Variants in JAZF1 observed in about 807,000 individuals in gnomAD.
JAZF1 encodes the protein JAZF zinc finger 1.
A neutral mutation model predicts 26.4 loss-of-function variants in JAZF1; 8 were observed. That is an observed-to-expected ratio of 0.30 (90% CI 0.18 to 0.55). The LOEUF (loss-of-function observed/expected upper bound fraction) is 0.55. JAZF1 is among the 20% of genes least tolerant of loss of function. The probability of loss-of-function intolerance (pLI) is 0.94; values close to 1 mark genes in which losing one functional copy is unlikely to be tolerated. For synonymous variants in JAZF1, 126 were observed against 122.3 expected (o/e 1.03, Z -0.20); for missense variants, 199 against 322.0 (o/e 0.62, Z 2.92).
chr7:27,842,173 C>T (rs1359415918), intron 3 of JAZF1: 1 of 152,082 alleles, frequency 6.6e-6, no homozygotes, highest in African/African-American at 2.4e-5. Flanking sequence ...AAGGAAGGGA[C>T]CTGAAGTTTA....
intron 1 of JAZF1, among the ~76,000 whole-genome samples, chr7:28,017,726 A>T (rs957361175): frequency 3.9e-5 from 6 of 152,170 alleles, no homozygotes; most frequent in African/African-American, 1.2e-4. Flanking sequence ...CATTTTGGTG[A>T]AAAAGACCAG....
chr7:27,892,774 C>CA (rs1358478333), intron 3 of JAZF1, among the ~76,000 whole-genome samples: 1 of 152,126 alleles, frequency 6.6e-6, no homozygotes, highest in African/African-American at 2.4e-5. Context: ...ATGCCTAACA[C>CA]AAATGAACTG....
intron 2 of JAZF1, among the ~76,000 whole-genome samples, chr7:27,896,153 A>G (rs1257949777): frequency 6.6e-6 from 1 of 152,216 alleles, no homozygotes; most frequent in Non-Finnish European, 1.5e-5. Flanking sequence ...ATTACTCATA[A>G]AGAGAAAGGT....
intron 1 of JAZF1, among the ~76,000 whole-genome samples, chr7:28,110,264 A>G (rs1457309148): frequency 6.6e-6 from 1 of 151,900 alleles, no homozygotes; most frequent in African/African-American, 2.4e-5. Context: ...CATTTCTGAT[A>G]AAAATACAAA....
At chr7:28,026,798 G>C (rs1000430550) in intron 1 of JAZF1, among the ~76,000 whole-genome samples, 2 of 152,206 alleles carry the variant, frequency 1.3e-5, no homozygotes, top group Non-Finnish European at 2.9e-5. Flanking sequence ...ACCGGCACTG[G>C]AGAAGGGAGC....
intron 3 of JAZF1, among the ~76,000 whole-genome samples, chr7:27,894,669 T>C (rs1046484634): frequency 6.6e-6 from 1 of 152,110 alleles, no homozygotes; most frequent in Non-Finnish European, 1.5e-5. Flanking sequence ...TAGGTGGGTA[T>C]AAAGAAGCAA....
At chr7:27,841,660 G>C (rs773635008) in intron 3 of JAZF1, 1 of 152,204 alleles carries the variant, frequency 6.6e-6, no homozygotes, top group Non-Finnish European at 1.5e-5. Flanking sequence ...TAAGGGCTAA[G>C]AGCTCTGCTG....
At chr7:27,985,173 T>C (rs1198152424) in intron 2 of JAZF1, among the ~76,000 whole-genome samples, 9 of 152,142 alleles carry the variant, frequency 5.9e-5, no homozygotes, top group Admixed American at 2.0e-4. Flanking sequence ...AGCTGGTTTT[T>C]TGAAAAGATC....
intron 3 of JAZF1, chr7:27,842,092 T>C (rs1782934749): frequency 6.6e-6 from 1 of 152,122 alleles, no homozygotes; most frequent in Non-Finnish European, 1.5e-5. Flanking sequence ...ATAAGATTGT[T>C]TGAAGAGCCA....
chr7:27,895,310 T>C lies in JAZF1; in HGVS notation c.295A>G (p.Thr99Ala), dbSNP rs779001599. The C allele has an allele frequency of 1.2e-6, 2 of 1,604,618 alleles. No individual in the cohort carries two copies. Among genetic ancestry groups the C allele is most frequent in the South Asian group, 1.1e-5 (1 of 89,804 alleles). Residue 99 changes from threonine (T) to alanine (A), a missense_variant, in exon 3 of 5, where the codon ACT becomes GCT. This residue lies in a region of JAZF1 where 137 missense variants were observed against 184.8 expected (regional missense o/e 0.74). Coordinates refer to ENST00000283928, the MANE Select transcript of JAZF1 (RefSeq NM_175061.4). Reference sequence around the variant, plus strand: ...CTTCCACTGCTGTGGCGTGGGGGAGTGGACACATTCCCTCGAGACACTGAG... The same window carrying C: ...CTTCCACTGCTGTGGCGTGGGGGAGCGGACACATTCCCTCGAGACACTGAG... ...SSSVSRGNVS[T>A]PPRHSSGSLT...
intron 2 of JAZF1, among the ~76,000 whole-genome samples, chr7:27,990,601 G>A (rs1278998581): frequency 6.6e-6 from 1 of 152,094 alleles, no homozygotes; most frequent in Non-Finnish European, 1.5e-5. Context: ...CAAAGTGACA[G>A]CCACACTATT....
At chr7:28,032,897 TG>T (rs1783215948) in intron 1 of JAZF1, among the ~76,000 whole-genome samples, 1 of 152,104 alleles carries the variant, frequency 6.6e-6, no homozygotes, top group African/African-American at 2.4e-5. Flanking sequence ...TTATACCTCT[TG>T]GTCCTCCCAC....
chr7:27,926,956 C>T (rs1022218336), intron 2 of JAZF1, among the ~76,000 whole-genome samples: 1 of 152,228 alleles, frequency 6.6e-6, no homozygotes, highest in African/African-American at 2.4e-5. Flanking sequence ...GACCACATCA[C>T]TGTAGATTCT....
chr7:27,948,401 A>C (rs1266882760), intron 2 of JAZF1, among the ~76,000 whole-genome samples: 1 of 152,182 alleles, frequency 6.6e-6, no homozygotes, highest in African/African-American at 2.4e-5. Flanking sequence ...CTAATCAAAC[A>C]AATCTGGCAA....
intron 1 of JAZF1, among the ~76,000 whole-genome samples, chr7:28,001,331 G>A (rs1424223898): frequency 6.6e-6 from 1 of 151,786 alleles, no homozygotes; most frequent in Non-Finnish European, 1.5e-5. Context: ...CAGCCTGGGT[G>A]ACAGAGTGAG....
intron 2 of JAZF1, among the ~76,000 whole-genome samples, chr7:27,945,657 C>T (rs951933030): frequency 6.6e-6 from 1 of 152,222 alleles, no homozygotes; most frequent in African/African-American, 2.4e-5. Context: ...TCGGCATTGC[C>T]TGGGCACTTG....
intron 1 of JAZF1, among the ~76,000 whole-genome samples, chr7:28,147,860 T>C (rs1313189958): frequency 6.6e-6 from 1 of 151,804 alleles, no homozygotes; most frequent in Non-Finnish European, 1.5e-5. Flanking sequence ...CAGTGAGCAC[T>C]GATTGCACCA....
intron 1 of JAZF1, among the ~76,000 whole-genome samples, chr7:28,106,164 A>T (rs182948709): frequency 9.9e-4 from 151 of 152,370 alleles, no homozygotes; most frequent in African/African-American, 3.5e-3. Context: ...AAAATAAATG[A>T]ATCCATATCA....
rs144458886 is a variant in JAZF1, at chr7:28,128,187, G to A, written c.115+52276C>T. On this transcript the variant is annotated intron_variant, in intron 1 of 4. Transcript: ENST00000283928. The stretch of plus-strand genomic sequence containing the variant: ...CTAGGTCAGTGGTTCCCGAAGTCTG[G>A]TCCCTAGAGTAGCAGCTGATGCAAC... Among the ~76,000 whole-genome samples, 219 of 152,210 alleles carry A rather than the reference G, an allele frequency of 1.4e-3. 1 individual carries two copies. The highest frequency in any genetic ancestry group is 5.2e-3 in the African/African-American group (216 of 41,512).
Sources: allele counts gnomAD v4.1 joint callset (sites outside exome capture counted in the v4.1 genomes callset), GRCh38; gene constraint gnomAD v4.1.1; regional missense constraint gnomAD v4.1.1; transcripts MANE v1.5; gene names NCBI Gene and HGNC (gene_info 2026-07-23, HGNC 2026-07-21).